Variants in CNTN4 observed in about 807,000 individuals in gnomAD.
CNTN4 encodes contactin-4.
In CNTN4, 77 loss-of-function variants were observed where a neutral mutation model predicts 122.5. The ratio of observed to expected loss-of-function variants is 0.63; its 90% CI spans 0.52 to 0.76. CNTN4 has a LOEUF of 0.76. Among genes scored for constraint, CNTN4 ranks in the 30% least tolerant of loss-of-function variants. The pLI, the probability that CNTN4 is intolerant of heterozygous loss-of-function variation, is 0.00. For synonymous variants in CNTN4, 512 were observed against 447.0 expected, an observed-to-expected ratio of 1.15 and a Z score of -1.83; for missense variants, 1,256 against 1,259.1, an observed-to-expected ratio of 1.00 and a Z score of 0.04.
At chr3:2,141,701 C>G (rs1438861597) in intron 2 of CNTN4, among the ~76,000 whole-genome samples, 1 of 152,094 alleles carries the variant, frequency 6.6e-6, no homozygotes, top group Non-Finnish European at 1.5e-5. Flanking sequence ...ATATAGCTCC[C>G]TGAGTGTCAA....
chr3:2,805,139 C>T lies in CNTN4; in HGVS notation c.359-14347C>T, dbSNP rs142948439. 6.4e-3 allele frequency among the ~76,000 whole-genome samples: 980 copies of T among 152,060 alleles called. 10 individuals carry two copies. The highest frequency in any genetic ancestry group is 0.022 in the African/African-American group (922 of 41,494). On this transcript the variant is annotated intron_variant, in intron 6 of 24. Coordinates refer to ENST00000418658, the MANE Select transcript of CNTN4 (RefSeq NM_175607.3). Reference sequence around the variant, plus strand: ...TTGCAGTGAGCCGAGACCGCACCATCGCACTCCAGCCTGTGCAACAAGAAC... The same window carrying T: ...TTGCAGTGAGCCGAGACCGCACCATTGCACTCCAGCCTGTGCAACAAGAAC...
chr3:2,917,917 T>TA (rs1365138060), intron 12 of CNTN4, among the ~76,000 whole-genome samples: 4 of 151,840 alleles, frequency 2.6e-5, no homozygotes, highest in African/African-American at 9.7e-5. Context: ...ATTTTTTTTT[T>TA]AACAGAAGAA....
At chr3:2,425,018 G>A (rs541355976) in intron 3 of CNTN4, among the ~76,000 whole-genome samples, 1 of 152,240 alleles carries the variant, frequency 6.6e-6, no homozygotes, top group African/African-American at 2.4e-5. Context: ...CATTCTGTAG[G>A]TTGCCTGTTC....
At position 2,903,047 on chromosome 3, in the gene CNTN4, T is replaced by C. The variant is rs1168275821; in HGVS notation, c.1207+42T>C. Reference sequence around the variant, plus strand: ...GCAAGAAAAAAAAATTAAAACTCTTTAGATCACTAAACTAACTTGTTCTTT... The same window carrying C: ...GCAAGAAAAAAAAATTAAAACTCTTCAGATCACTAAACTAACTTGTTCTTT... On this transcript the variant is annotated intron_variant, in intron 12 of 24. Transcript: ENST00000418658. The C allele has an allele frequency of 8.8e-6, 14 of 1,593,212 alleles. No homozygotes were observed. The Middle Eastern group carries it at 6.6e-4, about 76-fold the overall frequency.
intron 3 of CNTN4, among the ~76,000 whole-genome samples, chr3:2,447,160 T>C (rs1041394120): frequency 6.6e-6 from 1 of 152,168 alleles, no homozygotes; most frequent in Non-Finnish European, 1.5e-5. Flanking sequence ...TATACCTCTA[T>C]TTAACATTTA....
intron 6 of CNTN4, among the ~76,000 whole-genome samples, chr3:2,797,002 T>C (rs1360736808): frequency 6.6e-6 from 1 of 152,106 alleles, no homozygotes; most frequent in Non-Finnish European, 1.5e-5. Context: ...TGTTTTGTTA[T>C]TGTTGTTGTT....
At chr3:2,599,438 C>A (rs1294682338) in intron 4 of CNTN4, among the ~76,000 whole-genome samples, 1 of 152,132 alleles carries the variant, frequency 6.6e-6, no homozygotes, top group South Asian at 2.1e-4. Flanking sequence ...AATGTGTGGA[C>A]CTTTTATTCT....
intron 10 of CNTN4, among the ~76,000 whole-genome samples, chr3:2,888,485 T>G (rs1272287321): frequency 1.3e-5 from 2 of 152,110 alleles, no homozygotes; most frequent in African/African-American, 4.8e-5. Flanking sequence ...AGGGGTTTCA[T>G]GTCCTCTGGT....
chr3:2,537,449 T>C (rs1244109322), intron 3 of CNTN4, among the ~76,000 whole-genome samples: 1 of 152,252 alleles, frequency 6.6e-6, no homozygotes, highest in East Asian at 1.9e-4. Context: ...GGATACTTTA[T>C]GTTGTCTTTT....
chr3:2,215,402 T>C (rs956272345), intron 2 of CNTN4, among the ~76,000 whole-genome samples: 2 of 152,198 alleles, frequency 1.3e-5, no homozygotes, highest in Admixed American at 6.5e-5. Flanking sequence ...TTTAAGCTTC[T>C]TTTTGGGAAA....
chr3:2,776,385 G>A (rs2091319142), intron 6 of CNTN4, among the ~76,000 whole-genome samples: 1 of 151,574 alleles, frequency 6.6e-6, no homozygotes, highest in Admixed American at 6.6e-5. Context: ...ATAGTCAAAG[G>A]GTCTGTTGTC....
intron 3 of CNTN4, among the ~76,000 whole-genome samples, chr3:2,367,321 G>A (rs1334004009): frequency 6.6e-6 from 1 of 151,952 alleles, no homozygotes; most frequent in East Asian, 1.9e-4. Flanking sequence ...AAAATACAAA[G>A]GCAAATTACT....
At chr3:2,797,184 C>G (rs1304382459) in intron 6 of CNTN4, among the ~76,000 whole-genome samples, 1 of 151,956 alleles carries the variant, frequency 6.6e-6, no homozygotes, top group Non-Finnish European at 1.5e-5. Context: ...AATTTTTTGT[C>G]AAGCTGGGGT....
chr3:2,824,458 A>G (rs567870764), intron 7 of CNTN4, among the ~76,000 whole-genome samples: 246 of 151,420 alleles, frequency 1.6e-3, no homozygotes, highest in African/African-American at 5.7e-3. Context: ...CTCTGGCTCA[A>G]AAAAAACAAA....
chr3:2,577,130 T>C (rs1306087367), intron 4 of CNTN4, among the ~76,000 whole-genome samples: 2 of 152,214 alleles, frequency 1.3e-5, no homozygotes, highest in East Asian at 3.9e-4. Flanking sequence ...CTTCTACTTT[T>C]TTCTTCTTTA....
At chr3:2,724,061 T>C (rs757832257) in intron 4 of CNTN4, among the ~76,000 whole-genome samples, 8 of 152,192 alleles carry the variant, frequency 5.3e-5, no homozygotes, top group Non-Finnish European at 8.8e-5. Flanking sequence ...TTATTTTACA[T>C]GGCTCTAAAG....
At position 2,106,538 on chromosome 3, in the gene CNTN4, C is replaced by G. The variant is rs546049434; in HGVS notation, c.-145+5899C>G. 1.0e-3 allele frequency among the ~76,000 whole-genome samples: 155 copies of G among 152,324 alleles called. No individual in the cohort carries two copies. In the Middle Eastern group the frequency reaches 0.01, roughly 10 times the overall value. ...TCCGAAGCAACAGCTTGAGCTATACCTTGGCCCCTTTTAGCTACAGCTGGA... is the reference window on the plus strand; with the variant it reads ...TCCGAAGCAACAGCTTGAGCTATACGTTGGCCCCTTTTAGCTACAGCTGGA... On this transcript the variant is annotated intron_variant, in intron 2 of 24. Coordinates refer to ENST00000418658, the MANE Select transcript of CNTN4 (RefSeq NM_175607.3).
intron 2 of CNTN4, among the ~76,000 whole-genome samples, chr3:2,285,413 A>G (rs563129226): frequency 6.6e-6 from 1 of 152,244 alleles, no homozygotes; most frequent in Admixed American, 6.5e-5. Flanking sequence ...ACTCATTAAA[A>G]TTATTGTGAA....
At chr3:2,481,402 A>G (rs934796197) in intron 3 of CNTN4, among the ~76,000 whole-genome samples, 2 of 152,126 alleles carry the variant, frequency 1.3e-5, no homozygotes, top group Admixed American at 6.5e-5. Context: ...CGACCTCCCA[A>G]AGTGCTGGGA....
Sources: allele counts gnomAD v4.1 joint callset (sites outside exome capture counted in the v4.1 genomes callset), GRCh38; gene constraint gnomAD v4.1.1; transcripts MANE v1.5; gene names NCBI Gene and HGNC (gene_info 2026-07-23, HGNC 2026-07-21).